DOP1A: variants seen among roughly 807,000 people sequenced by gnomAD.
The protein encoded by DOP1A is DOP1 leucine zipper like protein A.
Under a neutral mutation model 267.6 loss-of-function variants are expected in DOP1A, and 90 were observed. The ratio of observed to expected loss-of-function variants is 0.34; its 90% CI spans 0.28 to 0.40. DOP1A has a LOEUF of 0.40. Ranked by LOEUF, DOP1A falls within the 10% of genes least tolerant of loss-of-function variation. DOP1A has a pLI of 1.00. For missense variants in DOP1A, 2,437 were observed against 2,900.4 expected (o/e 0.84, Z 3.67); for synonymous variants, 932 against 999.1 (o/e 0.93, Z 1.27).
At position 83,151,661 on chromosome 6, in the gene DOP1A, T is replaced by TA; in HGVS notation, c.5904+4dup. On this transcript the variant is annotated splice_region_variant and intron_variant, in intron 28 of 38. Coordinates refer to ENST00000349129, the MANE Select transcript of DOP1A (RefSeq NM_015018.4). ...AAAAAAGACCAAAGAGACCTTCAGG[T>TA]AAGGCAGTCTAAGAGCTGTTGCCAA... 6.2e-7 allele frequency: 1 copy of TA among 1,602,734 alleles called. No individual in the cohort carries two copies. Among genetic ancestry groups the TA allele is most frequent in the Non-Finnish European group, 8.5e-7 (1 of 1,176,744 alleles).
At chr6:83,149,411 G>A (rs1781177425) in intron 27 of DOP1A, among the ~76,000 whole-genome samples, 1 of 152,196 alleles carries the variant, frequency 6.6e-6, no homozygotes, top group East Asian at 1.9e-4. Flanking sequence ...TACTTGGTAA[G>A]TGAATAGAGG....
At chr6:83,132,103 G>T in intron 17 of DOP1A, 73 bp from the exon 18 acceptor site, 1 of 1,535,040 alleles carries the variant, frequency 6.5e-7, no homozygotes, top group Non-Finnish European at 8.9e-7. Flanking sequence ...GCATTCATTT[G>T]TACCTAATAG....
chr6:83,170,961 T>C (rs1274381414), downstream of DOP1A: 1 of 154,608 alleles, frequency 6.5e-6, no homozygotes, highest in African/African-American at 2.4e-5. Flanking sequence ...CTGAATTCTC[T>C]CCCTCAGGAA....
At chr6:83,139,196 C>T in intron 21 of DOP1A, 34 bp downstream of exon 21, 1 of 1,479,118 alleles carries the variant, frequency 6.8e-7, no homozygotes, top group Non-Finnish European at 9.3e-7. Flanking sequence ...TTGGTACTGA[C>T]ATTTTTCACA....
chr6:83,091,935 A>G (rs1770500706), intron 1 of DOP1A, among the ~76,000 whole-genome samples: 1 of 152,216 alleles, frequency 6.6e-6, no homozygotes, highest in African/African-American at 2.4e-5. Flanking sequence ...AGTCAAGTTG[A>G]TATTTTCCCT....
In DOP1A at chr6:83,137,950, C is replaced by G; in HGVS notation, c.3908C>G (p.Ala1303Gly). The change falls in exon 21 of 39, where the codon GCC becomes GGC. Residue 1303 changes from alanine to glycine, a missense_variant. By Grantham distance (60) the Ala-to-Gly change is moderately conservative (BLOSUM62 0). Around this residue, in one of 9 missense-constraint regions of DOP1A, gnomAD observed 878 missense variants for 992.9 expected, o/e 0.88. Coordinates refer to ENST00000349129, the MANE Select transcript of DOP1A (RefSeq NM_015018.4). ...GGAGCAAAACCTAAAGTAAAACTTG[C>G]CAGAAAAAAGGATGATGACAAGAAA... ...QPGAKPKVKL[A>G]RKKDDDKKKS... is the part of the protein sequence containing the mutation. 1 of 1,602,472 alleles carries G rather than the reference C, an allele frequency of 6.2e-7. No individual in the cohort carries two copies. Among genetic ancestry groups the G allele is most frequent in the Non-Finnish European group, 8.5e-7 (1 of 1,176,664 alleles).
chr6:83,132,870 C>G (rs1033036900), intron 18 of DOP1A, among the ~76,000 whole-genome samples: 1 of 152,052 alleles, frequency 6.6e-6, no homozygotes, highest in Non-Finnish European at 1.5e-5. Flanking sequence ...TGAGAAGAAG[C>G]TGGAATAATC....
At chr6:83,146,668 C>T (rs1441586886) in intron 25 of DOP1A, among the ~76,000 whole-genome samples, 1 of 152,162 alleles carries the variant, frequency 6.6e-6, no homozygotes, top group East Asian at 1.9e-4. Flanking sequence ...TAAAAAAGCA[C>T]AAATTGATAA....
Position 83,168,043 on chromosome 6 carries a change from A to T in DOP1A, c.7274A>T (p.Tyr2425Phe), listed in dbSNP as rs1397038330. Residue 2425 changes from tyrosine to phenylalanine, a missense_variant, in exon 39 of 39, where the codon TAC (tyrosine) becomes TTC (phenylalanine). Tyr to Phe is a conservative substitution (Grantham distance 22). Transcript: ENST00000349129. ...GGACACTCAGGGAGTCCTATCCTCT[A>T]CTCAAATGCCTTCCCTAATAAGGAC... ...CGGHSGSPILYSNAFPNKDMK... is the reference protein window; with the variant it reads ...CGGHSGSPILFSNAFPNKDMK... The T allele has an allele frequency of 6.2e-7, 1 of 1,614,176 alleles. No individual in the cohort carries two copies. The highest frequency in any genetic ancestry group is 8.5e-7 in the Non-Finnish European group (1 of 1,180,036).
intron 12 of DOP1A, 22 bp from the exon 13 acceptor site, chr6:83,124,683 A>C: frequency 3.9e-6 from 6 of 1,553,690 alleles, no homozygotes; most frequent in Non-Finnish European, 5.3e-6. Context: ...TATACTTAAT[A>C]AAGTGAATTT....
chr6:83,110,332 G>A lies in DOP1A; in HGVS notation c.681+18G>A. ...AGCTAATGGTAGGTCTAAAAATATG[G>A]TTGCTCATTTCACAAATATTTCTTT... On this transcript the variant is annotated intron_variant, in intron 6 of 38. Transcript: ENST00000349129. 2.5e-6 allele frequency: 4 copies of A among 1,605,586 alleles called. No individual in the cohort carries two copies. The highest frequency in any genetic ancestry group is 3.4e-6 in the Non-Finnish European group (4 of 1,175,256).
chr6:83,126,073 T>C (rs1467297788), intron 15 of DOP1A, among the ~76,000 whole-genome samples: 1 of 151,538 alleles, frequency 6.6e-6, no homozygotes, highest in Non-Finnish European at 1.5e-5. Context: ...ATTGATGTCA[T>C]ATAAATAAGT....
rs769411609 is a variant in DOP1A at position 83,154,010 on chromosome 6, G to A, written c.6356G>A (p.Ser2119Asn). Reference sequence around the variant, plus strand: ...GCTTTTGACCTCTTTATGGATCCCAGTTTCTTTCAGATGGATGCCTCTTGT... The same window carrying A: ...GCTTTTGACCTCTTTATGGATCCCAATTTCTTTCAGATGGATGCCTCTTGT... ...KEAFDLFMDPSFFQMDASCVN... is the reference protein window; with the variant it reads ...KEAFDLFMDPNFFQMDASCVN... Residue 2119 changes from serine to asparagine, a missense_variant, in exon 32 of 39, where the codon AGT becomes AAT. Around this residue, in one of 9 missense-constraint regions of DOP1A, gnomAD observed 216 missense variants for 283.3 expected, o/e 0.76. Coordinates refer to ENST00000349129, the MANE Select transcript of DOP1A (RefSeq NM_015018.4). 1.2e-6 allele frequency: 2 copies of A among 1,614,036 alleles called. No individual in the cohort carries two copies. The highest frequency in any genetic ancestry group is 2.2e-5 in the South Asian group (2 of 91,072).
chr6:83,140,020 T>G lies in DOP1A; in HGVS notation c.5141T>G (p.Ile1714Ser). 1 of 1,613,390 alleles carries G rather than the reference T, an allele frequency of 6.2e-7. No individual in the cohort carries two copies. The highest frequency in any genetic ancestry group is 8.5e-7 in the Non-Finnish European group (1 of 1,179,582). ...SDSRPLWMAS[I>S]IPPDMILTLL... ...TTCAGGCCTCTGTGGATGGCATCAATTATTCCACCAGATATGATTCTTACT... is the reference window on the plus strand; with the variant it reads ...TTCAGGCCTCTGTGGATGGCATCAAGTATTCCACCAGATATGATTCTTACT... The change falls in exon 22 of 39, where the codon ATT becomes AGT. Residue 1714 changes from isoleucine (I) to serine (S), a missense_variant. Coordinates refer to ENST00000349129, the MANE Select transcript of DOP1A (RefSeq NM_015018.4).
intron 38 of DOP1A, among the ~76,000 whole-genome samples, chr6:83,163,196 C>G (rs559219511): frequency 1.1e-4 from 17 of 151,978 alleles, no homozygotes; most frequent in African/African-American, 4.1e-4. Flanking sequence ...AAAATGTTTT[C>G]CCCTCAAAAA....
Position 83,159,934 on chromosome 6 carries a change from C to T in DOP1A, c.6936C>T (p.Pro2312=), listed in dbSNP as rs1783843324. ...CKFLDLALAL[P]SENLPQFQMY... is the part of the protein sequence containing the mutation. ...TTTTGGATTTGGCTCTCGCATTGCC[C>T]TCTGAAAACCTTCCTCAGTTTCAGA... Residue 2312 remains proline, a synonymous_variant, in exon 37 of 39, where the codon CCC becomes CCT. Transcript: ENST00000349129. 6.2e-7 allele frequency: 1 copy of T among 1,614,048 alleles called. No individual in the cohort carries two copies. Among genetic ancestry groups the T allele is most frequent in the Non-Finnish European group, 8.5e-7 (1 of 1,179,994 alleles).
intron 4 of DOP1A, among the ~76,000 whole-genome samples, chr6:83,103,432 A>G (rs1772971089): frequency 6.6e-6 from 1 of 152,144 alleles, no homozygotes; most frequent in South Asian, 2.1e-4. Context: ...AATCTCCACT[A>G]AAGAACTTAT....
intron 20 of DOP1A, among the ~76,000 whole-genome samples, 164 bp from the exon 21 acceptor site, chr6:83,137,009 A>G (rs1427449383): frequency 2.0e-5 from 3 of 152,190 alleles, no homozygotes; most frequent in Non-Finnish European, 4.4e-5. Flanking sequence ...TAAGGAGGAA[A>G]AAACAAAACT....
intron 1 of DOP1A, among the ~76,000 whole-genome samples, chr6:83,090,505 G>A (rs916647286): frequency 1.3e-5 from 2 of 152,142 alleles, no homozygotes; most frequent in African/African-American, 4.8e-5. Flanking sequence ...ACACTATGGG[G>A]ATACGTTATA....
Sources: allele counts gnomAD v4.1 joint callset (sites outside exome capture counted in the v4.1 genomes callset), GRCh38; gene constraint gnomAD v4.1.1; regional missense constraint gnomAD v4.1.1; transcripts MANE v1.5; gene names NCBI Gene and HGNC (gene_info 2026-07-23, HGNC 2026-07-21).